The following BMP2K variants were observed in gnomAD, a reference collection of about 807,000 sequenced individuals.
The protein encoded by BMP2K is BMP-2-inducible protein kinase.
BMP2K carries 74 observed loss-of-function variants against 116.0 expected under a neutral mutation model. The observed-to-expected ratio is 0.64, with a 90% CI of 0.53 to 0.77. The LOEUF is 0.77. Among genes scored for constraint, BMP2K ranks in the 30% least tolerant of loss-of-function variants. The pLI is 0.00. For synonymous variants in BMP2K, 486 were observed against 502.5 expected (o/e 0.97, Z 0.44); for missense variants, 1,365 against 1,403.6 (o/e 0.97, Z 0.44).
chr4:78,865,466 A>C (rs1460898463), intron 9 of BMP2K, 91 bp from the exon 10 acceptor site: 1 of 1,230,348 alleles, frequency 8.1e-7, no homozygotes, highest in Admixed American at 2.1e-5. Flanking sequence ...TAATAGTTAA[A>C]ATGTATCTGT....
At position 78,804,330 on chromosome 4, in the gene BMP2K, A is replaced by G. The variant is rs1376903934; in HGVS notation, c.179-21707A>G. ...CTGAATATTCCTTTATATGAATAAT[A>G]CATTTTGTTTATTAATCAGTTAGTG... On this transcript the variant is annotated intron_variant, in intron 1 of 15. Transcript: ENST00000502613. Among the ~76,000 whole-genome samples, 4 of 152,198 alleles carry G rather than the reference A, an allele frequency of 2.6e-5. No homozygotes were observed. In the South Asian group the frequency reaches 6.2e-4, roughly 24 times the overall value.
chr4:78,904,112 A>G (rs1426284855), intron 15 of BMP2K, among the ~76,000 whole-genome samples: 1 of 152,006 alleles, frequency 6.6e-6, no homozygotes, highest in Non-Finnish European at 1.5e-5. Context: ...AAGAGATAAG[A>G]GAAAGCCAAG....
intron 6 of BMP2K, among the ~76,000 whole-genome samples, chr4:78,848,372 T>C (rs999357817): frequency 5.3e-5 from 8 of 151,574 alleles, no homozygotes; most frequent in African/African-American, 1.9e-4. Flanking sequence ...GAATGGCTTA[T>C]AGTAAAGATG....
intron 1 of BMP2K, among the ~76,000 whole-genome samples, chr4:78,805,990 A>G (rs1689342179): frequency 6.6e-6 from 1 of 151,974 alleles, no homozygotes; most frequent in South Asian, 2.1e-4. Context: ...AAAAAGAAAT[A>G]CAATTGCTTT....
intron 15 of BMP2K, among the ~76,000 whole-genome samples, chr4:78,905,866 GT>G (rs571081219): frequency 6.6e-6 from 1 of 151,838 alleles, no homozygotes; most frequent in Non-Finnish European, 1.5e-5. Flanking sequence ...GAGTATGAAG[GT>G]TTATGGCATT....
intron 14 of BMP2K, among the ~76,000 whole-genome samples, chr4:78,881,047 A>G (rs1044386759): frequency 6.6e-6 from 1 of 152,226 alleles, no homozygotes; most frequent in Non-Finnish European, 1.5e-5. Context: ...ATCCCTGACA[A>G]TGTTACTTAA....
In BMP2K at chr4:78,823,530, A is replaced by C. The variant is rs192273529; in HGVS notation, c.179-2507A>C. ...TATATATAGTTATATATATAGTTATATATATGGTTATATATATAGTTATAT... is the reference window on the plus strand; with the variant it reads ...TATATATAGTTATATATATAGTTATCTATATGGTTATATATATAGTTATAT... On this transcript the variant is annotated intron_variant, in intron 1 of 15. Transcript: ENST00000502613. Among the ~76,000 whole-genome samples, 741 of 147,780 alleles carry C rather than the reference A, an allele frequency of 5.0e-3. 6 individuals are homozygous for C. The highest frequency in any genetic ancestry group is 0.017 in the African/African-American group (712 of 40,786).
intron 10 of BMP2K, among the ~76,000 whole-genome samples, chr4:78,866,482 T>C (rs1732056364): frequency 6.6e-6 from 1 of 152,176 alleles, no homozygotes; most frequent in Admixed American, 6.5e-5. Context: ...TTTAGTAATA[T>C]AGCTTCTAAA....
At chr4:78,836,960 T>C (rs1028033832) in intron 3 of BMP2K, among the ~76,000 whole-genome samples, 2 of 152,196 alleles carry the variant, frequency 1.3e-5, no homozygotes, top group Non-Finnish European at 2.9e-5. Context: ...TGCCTTACTG[T>C]GTGTCATTTT....
chr4:78,783,155 T>C (rs950607334), intron 1 of BMP2K, among the ~76,000 whole-genome samples: 13 of 152,320 alleles, frequency 8.5e-5, no homozygotes, highest in African/African-American at 2.9e-4. Flanking sequence ...TTGAAAAATA[T>C]CTGAATAGTT....
chr4:78,822,195 T>C (rs990663009), intron 1 of BMP2K, among the ~76,000 whole-genome samples: 1 of 140,410 alleles, frequency 7.1e-6, no homozygotes, highest in Middle Eastern at 3.2e-3. Flanking sequence ...TGATTTTTCT[T>C]AGTTGAAACA....
At chr4:78,804,155 G>T (rs1029489554) in intron 1 of BMP2K, among the ~76,000 whole-genome samples, 5 of 152,052 alleles carry the variant, frequency 3.3e-5, no homozygotes, top group African/African-American at 1.2e-4. Flanking sequence ...GTAATCACTA[G>T]TCTATTTTCT....
At chr4:78,842,588 T>G (rs765458439) in intron 4 of BMP2K, 61 bp downstream of exon 4, 4 of 1,424,736 alleles carry the variant, frequency 2.8e-6, no homozygotes, top group Non-Finnish European at 3.8e-6. Context: ...GTTCTTGGAG[T>G]ATTTTCATCT....
intron 10 of BMP2K, among the ~76,000 whole-genome samples, chr4:78,868,469 A>G (rs922080539): frequency 6.6e-6 from 1 of 152,082 alleles, no homozygotes; most frequent in African/African-American, 2.4e-5. Flanking sequence ...GACCCCTCCA[A>G]ATCTCATGTC....
chr4:78,810,432 C>T (rs971940373), intron 1 of BMP2K, among the ~76,000 whole-genome samples: 1 of 152,134 alleles, frequency 6.6e-6, no homozygotes, highest in South Asian at 2.1e-4. Context: ...TTTGGTCGAC[C>T]TCTTTTTATC....
rs370288767 is a variant in BMP2K at position 78,826,051 on chromosome 4, G to A, written c.193G>A (p.Val65Ile). The A allele has an allele frequency of 3.1e-6, 5 of 1,613,128 alleles. No homozygotes were observed. The Admixed American group carries it at 5.0e-5, about 16-fold the overall frequency. Residue 65 changes from valine to isoleucine, a missense_variant, in exon 2 of 16, where the codon GTT becomes ATT. Coordinates refer to ENST00000502613, the MANE Select transcript of BMP2K (RefSeq NM_198892.2). ...ESLAEGGFST[V>I]FLVRTHGGIR... is the part of the protein sequence containing the mutation. ...TGTTTTTCTAGGTGGATTCTCCACA[G>A]TTTTCCTCGTGCGTACTCACGGTGG...
intron 3 of BMP2K, among the ~76,000 whole-genome samples, chr4:78,839,818 T>C (rs1030046097): frequency 1.3e-5 from 2 of 152,122 alleles, no homozygotes; most frequent in Non-Finnish European, 2.9e-5. Flanking sequence ...GTCTAGTCTT[T>C]TCCTGTTCTT....
intron 15 of BMP2K, among the ~76,000 whole-genome samples, chr4:78,895,135 A>C (rs1349619004): frequency 2.0e-5 from 3 of 152,204 alleles, no homozygotes; most frequent in Non-Finnish European, 2.9e-5. Context: ...GAATTACCAG[A>C]ATGTGACATA....
intron 15 of BMP2K, among the ~76,000 whole-genome samples, chr4:78,891,417 T>C (rs557671586): frequency 1.3e-5 from 2 of 152,330 alleles, no homozygotes; most frequent in East Asian, 3.9e-4. Context: ...TTATTTAGCC[T>C]GGAAACTTGT....
Sources: gnomAD v4.1 joint callset for allele counts (sites outside exome capture counted in the v4.1 genomes callset) on GRCh38, gnomAD v4.1.1 for gene constraint, MANE v1.5 for transcripts, NCBI Gene and HGNC (gene_info 2026-07-23, HGNC 2026-07-21) for gene names.